SMCHD1: variants seen among roughly 807,000 people sequenced by gnomAD.
The protein encoded by SMCHD1 is structural maintenance of chromosomes flexible hinge domain-containing protein 1.
In SMCHD1, 78 loss-of-function variants were observed where a neutral mutation model predicts 254.7. The ratio of observed to expected loss-of-function variants is 0.31; its 90% CI spans 0.26 to 0.37. The LOEUF is 0.37. Ranked by LOEUF, SMCHD1 falls within the 10% of genes least tolerant of loss-of-function variation. The probability of loss-of-function intolerance (pLI) is 1.00; values close to 1 mark genes in which losing one functional copy is unlikely to be tolerated. For missense variants in SMCHD1, 1,840 were observed against 2,408.1 expected (o/e 0.76, Z 4.94); for synonymous variants, 766 against 794.9 (o/e 0.96, Z 0.61).
At chr18:2,692,955 A>T (rs2074210768) in intron 7 of SMCHD1, among the ~76,000 whole-genome samples, 1 of 152,230 alleles carries the variant, frequency 6.6e-6, no homozygotes, top group Non-Finnish European at 1.5e-5. Context: ...GTAAATTCAG[A>T]CTAATCTCCT....
chr18:2,697,189 A>C, intron 9 of SMCHD1, 67 bp downstream of exon 9: 1 of 760,198 alleles, frequency 1.3e-6, no homozygotes, highest in Non-Finnish European at 2.0e-6. Context: ...CAAATGACTC[A>C]GGATAATAAA....
rs1264010457 is a variant in SMCHD1 at position 2,774,079 on chromosome 18, C to G, written c.5176-1655C>G. 1.3e-5 allele frequency among the ~76,000 whole-genome samples: 2 copies of G among 152,192 alleles called. 1 individual carries two copies. Among genetic ancestry groups the G allele is most frequent in the Non-Finnish European group, 2.9e-5 (2 of 68,042 alleles). On this transcript the variant is annotated intron_variant, in intron 41 of 47. Transcript: ENST00000320876. ...ACATTTCTTCCTTAATTCCAAATATCTTGAAATCCCATCTCTAAATGAGGA... is the reference window on the plus strand; with the variant it reads ...ACATTTCTTCCTTAATTCCAAATATGTTGAAATCCCATCTCTAAATGAGGA...
chr18:2,751,338 G>A lies in SMCHD1; in HGVS notation c.4226G>A (p.Arg1409His), dbSNP rs746741499. 22 of 1,580,232 alleles carry A rather than the reference G, an allele frequency of 1.4e-5. No individual in the cohort carries two copies. Among genetic ancestry groups the A allele is most frequent in the South Asian group, 3.5e-5 (3 of 85,462 alleles). The part of the protein sequence containing the change: ...DSIIKNINPA[R>H]ISMKMWKLST... The stretch of plus-strand genomic sequence containing the variant: ...ATCATTAAAAACATTAATCCAGCAC[G>A]TATTTCCATGAAAATGTGGAAGCTG... The change falls in exon 33 of 48, where the codon CGT becomes CAT. Residue 1409 changes from arginine (R) to histidine (H), a missense_variant. Arg to His is a conservative substitution (Grantham distance 29). Around this residue, in one of 9 missense-constraint regions of SMCHD1, gnomAD observed 881 missense variants for 1,009.5 expected, o/e 0.87. Transcript: ENST00000320876.
At chr18:2,782,765 A>C (rs1738435086) in intron 44 of SMCHD1, among the ~76,000 whole-genome samples, 1 of 149,920 alleles carries the variant, frequency 6.7e-6, no homozygotes, top group Admixed American at 6.6e-5. Context: ...AAAAAAAAAA[A>C]AAAAAAAGAT....
chr18:2,764,302 C>CAT (rs1196173046), intron 37 of SMCHD1, among the ~76,000 whole-genome samples: 1 of 152,118 alleles, frequency 6.6e-6, no homozygotes, highest in Non-Finnish European at 1.5e-5. Context: ...ATGCTGCCTG[C>CAT]ATACCATGTG....
At chr18:2,699,214 TA>T (rs2074347262) in intron 10 of SMCHD1, among the ~76,000 whole-genome samples, 1 of 152,278 alleles carries the variant, frequency 6.6e-6, no homozygotes, top group South Asian at 2.1e-4. Flanking sequence ...TCACACCTCA[TA>T]GGGGTGTTGT....
At chr18:2,685,744 T>C (rs1310342049) in intron 5 of SMCHD1, among the ~76,000 whole-genome samples, 1 of 152,232 alleles carries the variant, frequency 6.6e-6, no homozygotes, top group Non-Finnish European at 1.5e-5. Context: ...GTGTGACTTA[T>C]TTCACTTAGC....
chr18:2,749,993 T>G, intron 30 of SMCHD1, 50 bp from the exon 31 acceptor site: 1 of 1,455,306 alleles, frequency 6.9e-7, no homozygotes, highest in Non-Finnish European at 9.3e-7. Context: ...AAGAACTTGA[T>G]TGATCTCTAG....
chr18:2,772,487 C>T, intron 41 of SMCHD1, 115 bp downstream of exon 41: 1 of 825,460 alleles, frequency 1.2e-6, no homozygotes, highest in South Asian at 2.6e-5. Flanking sequence ...TACTTCTTTC[C>T]AATAAAGTAC....
At chr18:2,728,837 T>C (rs2075077815) in intron 23 of SMCHD1, 1 of 375,508 alleles carries the variant, frequency 2.7e-6, no homozygotes, top group African/African-American at 2.1e-5. Context: ...TCTCCTCTCT[T>C]GACTCCATGC....
chr18:2,728,589 A>C lies in SMCHD1; in HGVS notation c.2906A>C (p.His969Pro). The stretch of plus-strand genomic sequence containing the variant: ...ACAGCACAACCAAAATTGATTGTTC[A>C]TTGTAAGGTAAGCTTATTGGAAGAT... The part of the protein sequence containing the change: ...NITAQPKLIV[H>P]CKFSGAPNLP... The change falls in exon 23 of 48, where the codon CAT becomes CCT. Residue 969 changes from histidine to proline, a missense_variant. By Grantham distance (77) the His-to-Pro change is moderately conservative (BLOSUM62 -2). This residue lies in a region of SMCHD1 where 881 missense variants were observed against 1,009.5 expected (regional missense o/e 0.87). Coordinates refer to ENST00000320876, the MANE Select transcript of SMCHD1 (RefSeq NM_015295.3). 2 of 1,611,708 alleles carry C rather than the reference A, an allele frequency of 1.2e-6. No individual in the cohort carries two copies. Among genetic ancestry groups the C allele is most frequent in the Non-Finnish European group, 1.7e-6 (2 of 1,178,996 alleles).
intron 17 of SMCHD1, among the ~76,000 whole-genome samples, chr18:2,713,337 T>C (rs965636063): frequency 6.6e-6 from 1 of 152,230 alleles, no homozygotes; most frequent in Admixed American, 6.5e-5. Flanking sequence ...TCGTGGTGAT[T>C]TGCTGTCTGA....
chr18:2,669,189 A>G (rs2073527172), intron 3 of SMCHD1, among the ~76,000 whole-genome samples: 1 of 152,106 alleles, frequency 6.6e-6, no homozygotes, highest in African/African-American at 2.4e-5. Context: ...TTACAAAAAA[A>G]TACAGGAATT....
chr18:2,729,437 TTA>T (rs1568253132), intron 24 of SMCHD1, 28 bp downstream of exon 24: 12 of 1,459,190 alleles, frequency 8.2e-6, no homozygotes, highest in Non-Finnish European at 1.1e-5. Flanking sequence ...CTCATTGATA[TTA>T]TATTGAGTCT....
At chr18:2,670,387 G>C (rs957551749) in intron 3 of SMCHD1, among the ~76,000 whole-genome samples, 1 of 152,076 alleles carries the variant, frequency 6.6e-6, no homozygotes, top group Admixed American at 6.6e-5. Flanking sequence ...AATTGCAACT[G>C]TATTCCTTCT....
intron 42 of SMCHD1, among the ~76,000 whole-genome samples, chr18:2,777,354 G>A (rs1408140686): frequency 6.6e-6 from 1 of 152,078 alleles, no homozygotes; most frequent in African/African-American, 2.4e-5. Context: ...TCATCTACTG[G>A]CTTCAATTGC....
chr18:2,759,489 ATTTT>A (rs10673696), intron 34 of SMCHD1, among the ~76,000 whole-genome samples: 1 of 117,186 alleles, frequency 8.5e-6, no homozygotes, highest in Non-Finnish European at 1.6e-5. Flanking sequence ...TTTTCAAGCA[ATTTT>A]TTTTTTTTTT....
chr18:2,745,764 AAG>A (rs1421579092), intron 29 of SMCHD1, among the ~76,000 whole-genome samples: 1 of 152,202 alleles, frequency 6.6e-6, no homozygotes, highest in Non-Finnish European at 1.5e-5. Context: ...AATTTATTAT[AAG>A]AGTTATTTGT....
intron 44 of SMCHD1, among the ~76,000 whole-genome samples, chr18:2,781,838 C>T (rs1274123370): frequency 6.6e-6 from 1 of 151,972 alleles, no homozygotes; most frequent in Non-Finnish European, 1.5e-5. Flanking sequence ...GAATGTAAGA[C>T]AAAGAAGTTG....
Sources: gnomAD v4.1 joint callset for allele counts (sites outside exome capture counted in the v4.1 genomes callset) on GRCh38, gnomAD v4.1.1 for gene constraint, gnomAD v4.1.1 regional missense constraint, MANE v1.5 for transcripts, NCBI Gene and HGNC (gene_info 2026-07-23, HGNC 2026-07-21) for gene names.